PLSCR4: variants seen among roughly 807,000 people sequenced by gnomAD.
PLSCR4 encodes phospholipid scramblase 4.
Under a neutral mutation model 36.3 loss-of-function variants are expected in PLSCR4, and 25 were observed. The observed-to-expected ratio is 0.69, with a 90% CI of 0.50 to 0.96. The LOEUF is 0.96. PLSCR4 is among the 40% of genes least tolerant of loss of function. The probability of loss-of-function intolerance (pLI) is 0.00; values close to 1 mark genes in which losing one functional copy is unlikely to be tolerated. For synonymous variants in PLSCR4, 122 were observed against 132.9 expected (o/e 0.92, Z 0.56); for missense variants, 408 against 414.7 (o/e 0.98, Z 0.14).
intron 1 of PLSCR4, among the ~76,000 whole-genome samples, chr3:146,248,551 T>TCTAAC (rs1445377907): frequency 6.6e-5 from 10 of 152,180 alleles, no homozygotes; most frequent in Admixed American, 2.0e-4. Flanking sequence ...AACTTTATGT[T>TCTAAC]TTGGACATAT....
Position 146,194,012 on chromosome 3 carries a change from G to T in PLSCR4, c.*399C>A, listed in dbSNP as rs547325735. 7.6e-4 allele frequency: 120 copies of T among 158,710 alleles called. 1 individual carries two copies. The highest frequency in any genetic ancestry group is 1.5e-3 in the Non-Finnish European group (107 of 72,442). The allele number at this position is 158,710 out of a possible 1,614,324, so 9.8% of individuals were successfully genotyped here. On this transcript the variant is annotated 3_prime_UTR_variant, in exon 9 of 9. Coordinates refer to ENST00000354952, the MANE Select transcript of PLSCR4 (RefSeq NM_020353.3). ...GAGGACATGTTGACGGAGAGGAAAG[G>T]TAGGAAAGGGTTAGGGATAGAAGCC...
chr3:146,206,804 A>AT (rs35080966), intron 3 of PLSCR4, 43 bp from the exon 4 acceptor site: 511,408 of 1,205,480 alleles, frequency 0.42, 111,538 homozygotes, highest in South Asian at 0.51. Context: ...TATTAACACT[A>AT]AAGTTAGCAT....
chr3:146,213,481 G>A (rs1198235680), intron 3 of PLSCR4, among the ~76,000 whole-genome samples: 1 of 151,658 alleles, frequency 6.6e-6, no homozygotes, highest in East Asian at 1.9e-4. Flanking sequence ...ACAGGCACCT[G>A]TCAGCTAATT....
chr3:146,214,858 T>C (rs1576466514), intron 3 of PLSCR4, among the ~76,000 whole-genome samples: 3 of 152,256 alleles, frequency 2.0e-5, no homozygotes, highest in Middle Eastern at 6.8e-3. Flanking sequence ...TATCTATTAT[T>C]GTAAGTGGGG....
At chr3:146,220,782 A>T (rs1308471789) in intron 3 of PLSCR4, 33 bp downstream of exon 3, 4 of 1,315,300 alleles carry the variant, frequency 3.0e-6, no homozygotes, top group Non-Finnish European at 4.4e-6. Flanking sequence ...GTTTTTAGCA[A>T]AGGAGAATAT....
At position 146,196,738 on chromosome 3, in the gene PLSCR4, T is replaced by G. The variant is rs774535802; in HGVS notation, c.680A>C (p.Asn227Thr). 6.8e-6 allele frequency: 11 copies of G among 1,613,872 alleles called. No homozygotes were observed. The highest frequency in any genetic ancestry group is 8.5e-6 in the Non-Finnish European group (10 of 1,179,878). Residue 227 changes from asparagine to threonine, a missense_variant, in exon 7 of 9, where the codon AAC (asparagine) becomes ACC (threonine). Transcript: ENST00000354952. ...GATGCTGTACACCGCCCTGCACAGG[T>G]TCCAATGTTCCGCAACAAAGCCAAT... Reference protein sequence around the residue: ...VTIGFVAEHWNLCRAVYSIQN... With the variant: ...VTIGFVAEHWTLCRAVYSIQN...
intron 3 of PLSCR4, among the ~76,000 whole-genome samples, chr3:146,212,587 C>G (rs1360376238): frequency 6.6e-6 from 1 of 151,728 alleles, no homozygotes; most frequent in Admixed American, 6.6e-5. Context: ...GTAACTGGGA[C>G]TACAGGAGTA....
chr3:146,228,426 G>C (rs2035565098), intron 1 of PLSCR4, among the ~76,000 whole-genome samples: 1 of 151,496 alleles, frequency 6.6e-6, no homozygotes, highest in African/African-American at 2.4e-5. Context: ...TAGCAAATGG[G>C]ATTTCATGAG....
intron 6 of PLSCR4, among the ~76,000 whole-genome samples, chr3:146,198,578 T>C (rs547479934): frequency 2.6e-5 from 4 of 152,116 alleles, no homozygotes; most frequent in African/African-American, 9.6e-5. Context: ...TTTTTTTATT[T>C]TTTATTTTTG....
At chr3:146,201,326 C>CTA (rs982019098) in intron 4 of PLSCR4, among the ~76,000 whole-genome samples, 1 of 152,038 alleles carries the variant, frequency 6.6e-6, no homozygotes, top group African/African-American at 2.4e-5. Context: ...AAGTTGTCTG[C>CTA]TATATCAGAA....
At chr3:146,223,876 TATATA>T (rs2035301685) in intron 1 of PLSCR4, 1 of 59,794 alleles carries the variant, frequency 1.7e-5, no homozygotes, top group Non-Finnish European at 3.5e-5. Flanking sequence ...TAATATATAT[TATATA>T]TTTTTACATT....
intron 1 of PLSCR4, among the ~76,000 whole-genome samples, chr3:146,229,860 G>A (rs2035635621): frequency 6.6e-6 from 1 of 151,974 alleles, no homozygotes; most frequent in African/African-American, 2.4e-5. Flanking sequence ...TCCTGACCTC[G>A]TGATCCACCC....
At chr3:146,219,003 C>T (rs917051183) in intron 3 of PLSCR4, among the ~76,000 whole-genome samples, 16 of 152,192 alleles carry the variant, frequency 1.1e-4, no homozygotes, top group African/African-American at 3.4e-4. Flanking sequence ...ATTAACACTA[C>T]ATAATTCAAG....
chr3:146,244,152 T>C (rs72992934), intron 1 of PLSCR4, among the ~76,000 whole-genome samples: 8,274 of 152,262 alleles, frequency 0.054, 559 homozygotes, highest in African/African-American at 0.16. Context: ...TAACCACAGA[T>C]TGTCCACATG....
chr3:146,204,395 T>C (rs1005591009), intron 4 of PLSCR4, among the ~76,000 whole-genome samples: 1 of 151,968 alleles, frequency 6.6e-6, no homozygotes, highest in South Asian at 2.1e-4. Context: ...GTCAAAAATA[T>C]TAGGCACATT....
intron 1 of PLSCR4, among the ~76,000 whole-genome samples, chr3:146,225,936 A>T: frequency 6.6e-6 from 1 of 152,194 alleles, no homozygotes; most frequent in Non-Finnish European, 1.5e-5. Flanking sequence ...CAGGCAGAGG[A>T]GGTGCCGAGA....
At chr3:146,230,125 G>A (rs2035648161) in intron 1 of PLSCR4, among the ~76,000 whole-genome samples, 1 of 152,106 alleles carries the variant, frequency 6.6e-6, no homozygotes, top group South Asian at 2.1e-4. Flanking sequence ...AGGCCCCTAA[G>A]CCTGTGGAGT....
At chr3:146,202,461 T>C (rs2034097939) in intron 4 of PLSCR4, among the ~76,000 whole-genome samples, 1 of 152,096 alleles carries the variant, frequency 6.6e-6, no homozygotes, top group Admixed American at 6.6e-5. Context: ...AAAAACTTTA[T>C]TGCTAAAAAC....
At chr3:146,200,587 G>A (rs1451062183) in intron 5 of PLSCR4, among the ~76,000 whole-genome samples, 1 of 151,994 alleles carries the variant, frequency 6.6e-6, no homozygotes, top group Non-Finnish European at 1.5e-5. Context: ...CCAAAGCGAG[G>A]GCACTGCACT....
Sources: gnomAD v4.1 joint callset for allele counts (sites outside exome capture counted in the v4.1 genomes callset) on GRCh38, gnomAD v4.1.1 for gene constraint, MANE v1.5 for transcripts, NCBI Gene and HGNC (gene_info 2026-07-23, HGNC 2026-07-21) for gene names.